AGMO: variants seen among roughly 807,000 people sequenced by gnomAD.
AGMO encodes the protein alkylglycerol monooxygenase.
A neutral mutation model predicts 60.2 loss-of-function variants in AGMO; 75 were observed. That is an observed-to-expected ratio of 1.25 (90% CI 1.03 to 1.51). The LOEUF is 1.51. AGMO is among the 40% of genes most tolerant of loss of function. AGMO has a pLI of 0.00. For synonymous variants in AGMO, 261 were observed against 177.1 expected (o/e 1.47, Z -3.76); for missense variants, 763 against 525.5 (o/e 1.45, Z -4.42).
chr7:15,519,040 G>A (rs12699729), intron 3 of AGMO, among the ~76,000 whole-genome samples: 77,967 of 150,576 alleles, frequency 0.52, 22,075 homozygotes, highest in East Asian at 0.95. Flanking sequence ...ATCAATAGCC[G>A]AACTGACAAG....
At chr7:15,261,100 T>C (rs1475984055) in intron 12 of AGMO, among the ~76,000 whole-genome samples, 1 of 151,802 alleles carries the variant, frequency 6.6e-6, no homozygotes, top group African/African-American at 2.4e-5. Flanking sequence ...AGTCACACCT[T>C]ATAAAACGGG....
At chr7:15,466,763 T>C (rs1367139322) in intron 3 of AGMO, among the ~76,000 whole-genome samples, 1 of 152,210 alleles carries the variant, frequency 6.6e-6, no homozygotes, top group Non-Finnish European at 1.5e-5. Flanking sequence ...CAAATAGTTT[T>C]AAATATTCTC....
chr7:15,402,825 C>A (rs1183346590), intron 5 of AGMO, among the ~76,000 whole-genome samples: 1 of 151,562 alleles, frequency 6.6e-6, no homozygotes, highest in African/African-American at 2.4e-5. Context: ...TTACTCAAAG[C>A]TATTTGCATA....
chr7:15,353,633 T>C (rs562241588), intron 12 of AGMO, among the ~76,000 whole-genome samples: 44 of 152,356 alleles, frequency 2.9e-4, no homozygotes, highest in African/African-American at 9.6e-4. Flanking sequence ...AAAACACCTA[T>C]GTTCTGATGA....
At chr7:15,360,422 C>A (rs567972125) in intron 12 of AGMO, among the ~76,000 whole-genome samples, 115 of 152,240 alleles carry the variant, frequency 7.6e-4, no homozygotes, top group African/African-American at 2.7e-3. Context: ...TTAGTGGTAA[C>A]ATGAACAGAC....
chr7:15,558,974 G>C (rs1477681678), intron 2 of AGMO, among the ~76,000 whole-genome samples: 1 of 152,052 alleles, frequency 6.6e-6, no homozygotes, highest in Non-Finnish European at 1.5e-5. Flanking sequence ...ACATTCATCA[G>C]CAGCTCAAAG....
chr7:15,495,666 C>T (rs916271506), intron 3 of AGMO, among the ~76,000 whole-genome samples: 3 of 152,124 alleles, frequency 2.0e-5, no homozygotes, highest in African/African-American at 7.2e-5. Context: ...AAACAAGTGA[C>T]ATTTATTTCT....
At chr7:15,198,221 G>GAGAGAGAGAGAGAC (rs1781173288), downstream of AGMO, among the ~76,000 whole-genome samples, 1 of 114,398 alleles carries the variant, frequency 8.7e-6, no homozygotes, top group African/African-American at 4.8e-5. Flanking sequence ...GAGAGAGAGA[G>GAGAGAGAGAGAGAC]AGAGAGAGAG....
chr7:15,175,145 A>T, the AGMO span, among the ~76,000 whole-genome samples: 1 of 151,948 alleles, frequency 6.6e-6, no homozygotes, highest in African/African-American at 2.4e-5. Flanking sequence ...TGGTTAATGT[A>T]CTATATATTC....
At chr7:15,373,004 C>G (rs1783279465) in intron 10 of AGMO, among the ~76,000 whole-genome samples, 1 of 152,126 alleles carries the variant, frequency 6.6e-6, no homozygotes, top group Non-Finnish European at 1.5e-5. Flanking sequence ...TGGCTCATGC[C>G]TATAATCCCA....
At chr7:15,321,280 C>A (rs1023306623) in intron 12 of AGMO, among the ~76,000 whole-genome samples, 1 of 152,098 alleles carries the variant, frequency 6.6e-6, no homozygotes, top group African/African-American at 2.4e-5. Flanking sequence ...CAAAGAGGGG[C>A]TGCCACAAAC....
chr7:15,539,052 T>C (rs1784550703), intron 3 of AGMO, among the ~76,000 whole-genome samples: 1 of 152,208 alleles, frequency 6.6e-6, no homozygotes, highest in Non-Finnish European at 1.5e-5. Context: ...AGCCTCAGTA[T>C]ATAATCAATG....
intron 12 of AGMO, among the ~76,000 whole-genome samples, chr7:15,282,397 G>C (rs79917682): frequency 1.3e-5 from 2 of 152,012 alleles, no homozygotes; most frequent in African/African-American, 4.8e-5. Context: ...TCAAGCTTCT[G>C]GAAATGAAAG....
chr7:15,147,742 G>A, the AGMO span, among the ~76,000 whole-genome samples: 3 of 152,078 alleles, frequency 2.0e-5, no homozygotes, highest in Admixed American at 6.6e-5. Context: ...CTCTATCAAA[G>A]AGGGAAAAAT....
chr7:15,130,838 A>G, the AGMO span, among the ~76,000 whole-genome samples: 1 of 152,164 alleles, frequency 6.6e-6, no homozygotes, highest in Non-Finnish European at 1.5e-5. Context: ...AAAGATATTT[A>G]TCAGGAGTGA....
chr7:15,166,010 T>G, the AGMO span, among the ~76,000 whole-genome samples: 5 of 152,194 alleles, frequency 3.3e-5, no homozygotes, highest in East Asian at 9.6e-4. Flanking sequence ...GTTCAATAAT[T>G]GTGTACCTAC....
At chr7:15,559,939 A>G (rs1256800953) in intron 2 of AGMO, among the ~76,000 whole-genome samples, 2 of 152,180 alleles carry the variant, frequency 1.3e-5, no homozygotes, top group Non-Finnish European at 2.9e-5. Context: ...AGTCAAGATA[A>G]ATAATGTTTG....
intron 12 of AGMO, among the ~76,000 whole-genome samples, chr7:15,220,159 T>C (rs1781873379): frequency 6.6e-6 from 1 of 151,696 alleles, no homozygotes; most frequent in Non-Finnish European, 1.5e-5. Context: ...CATTACATAC[T>C]GACTGCTATA....
At chr7:15,404,775 T>C (rs1196647733) in intron 5 of AGMO, among the ~76,000 whole-genome samples, 2 of 151,878 alleles carry the variant, frequency 1.3e-5, no homozygotes, top group African/African-American at 2.4e-5. Context: ...ATTTCAGATA[T>C]GACTTCTACT....
Sources: gnomAD v4.1 joint callset for allele counts (sites outside exome capture counted in the v4.1 genomes callset) on GRCh38, gnomAD v4.1.1 for gene constraint, MANE v1.5 for transcripts, NCBI Gene and HGNC (gene_info 2026-07-23, HGNC 2026-07-21) for gene names.